CTIF: variants seen among roughly 807,000 people sequenced by gnomAD.
CTIF encodes the protein CBP80/20-dependent translation initiation factor.
Under a neutral mutation model 66.0 loss-of-function variants are expected in CTIF, and 21 were observed. The observed-to-expected ratio is 0.32, with a 90% CI of 0.23 to 0.46. CTIF has a LOEUF of 0.46. Ranked by LOEUF, CTIF falls within the 20% of genes least tolerant of loss-of-function variation. CTIF has a pLI of 1.00. For missense variants in CTIF, 739 were observed against 812.7 expected, an observed-to-expected ratio of 0.91 and a Z score of 1.10; for synonymous variants, 345 against 326.4, an observed-to-expected ratio of 1.06 and a Z score of -0.62.
chr18:48,585,792 A>T (rs905733156), intron 1 of CTIF, among the ~76,000 whole-genome samples: 1 of 152,224 alleles, frequency 6.6e-6, no homozygotes, highest in Non-Finnish European at 1.5e-5. Flanking sequence ...TCCCAGGGAC[A>T]GAATCGGCTC....
chr18:48,589,612 G>T (rs560756554), intron 1 of CTIF, among the ~76,000 whole-genome samples: 1 of 152,356 alleles, frequency 6.6e-6, no homozygotes, highest in East Asian at 1.9e-4. Context: ...ACTTGTTTTT[G>T]TGGTGCTAGA....
chr18:48,622,563 C>T lies in CTIF; in HGVS notation c.180+2818C>T, dbSNP rs572555451. ...GGTGGCCTGGCGGTCTACAGCTGAC[C>T]GCATGGAGGGTCTTGTCTGGTGGTG... On this transcript the variant is annotated intron_variant, in intron 2 of 11. Coordinates refer to ENST00000256413, the MANE Select transcript of CTIF (RefSeq NM_014772.3). Among the ~76,000 whole-genome samples the T allele has an allele frequency of 5.7e-4, 87 of 152,036 alleles. 1 individual carries two copies. The highest frequency in any genetic ancestry group is 1.8e-3 in the African/African-American group (74 of 41,462).
chr18:48,813,625 T>C lies in CTIF; in HGVS notation c.1372-3596T>C, dbSNP rs116265446. 3.8e-3 allele frequency among the ~76,000 whole-genome samples: 586 copies of C among 152,346 alleles called. 3 individuals carry two copies. Among genetic ancestry groups the C allele is most frequent in the African/African-American group, 0.014 (574 of 41,576 alleles). ...TCATCTCAAATCCAATTTCCAATATTTAGCAGGCATTCAATCTCCTAGTAA... is the reference window on the plus strand; with the variant it reads ...TCATCTCAAATCCAATTTCCAATATCTAGCAGGCATTCAATCTCCTAGTAA... On this transcript the variant is annotated intron_variant, in intron 9 of 11. Coordinates refer to ENST00000256413, the MANE Select transcript of CTIF (RefSeq NM_014772.3).
intron 3 of CTIF, among the ~76,000 whole-genome samples, chr18:48,638,370 C>G (rs2090862743): frequency 6.6e-6 from 1 of 152,280 alleles, no homozygotes; most frequent in Admixed American, 6.5e-5. Flanking sequence ...ATGAAGAGTC[C>G]TTTTTCCTCT....
At chr18:48,698,070 T>C (rs2092031530) in intron 6 of CTIF, among the ~76,000 whole-genome samples, 1 of 108,326 alleles carries the variant, frequency 9.2e-6, no homozygotes, top group South Asian at 3.4e-4. Flanking sequence ...TCCTCCCTCC[T>C]GAAAGTCAAC....
chr18:48,843,928 G>A (rs2069009621), intron 10 of CTIF, among the ~76,000 whole-genome samples: 1 of 152,228 alleles, frequency 6.6e-6, no homozygotes, highest in Non-Finnish European at 1.5e-5. Flanking sequence ...TTCTGTAGCT[G>A]TGACATGAAG....
chr18:48,786,650 C>G (rs1415026900), intron 9 of CTIF, among the ~76,000 whole-genome samples: 2 of 152,200 alleles, frequency 1.3e-5, no homozygotes, highest in Admixed American at 6.5e-5. Context: ...GGAACATGGG[C>G]CTGAATCAGT....
chr18:48,727,817 C>T (rs1456899761), intron 7 of CTIF, among the ~76,000 whole-genome samples: 3 of 152,232 alleles, frequency 2.0e-5, no homozygotes, highest in Non-Finnish European at 4.4e-5. Flanking sequence ...CATAGCCACA[C>T]CCTCCACCTC....
At chr18:48,597,334 G>T (rs2090004885) in intron 1 of CTIF, among the ~76,000 whole-genome samples, 1 of 152,220 alleles carries the variant, frequency 6.6e-6, no homozygotes, top group Non-Finnish European at 1.5e-5. Flanking sequence ...GGGAAGGAAG[G>T]CATGCAGGCT....
At chr18:48,623,290 A>C (rs1433272770) in intron 2 of CTIF, among the ~76,000 whole-genome samples, 1 of 152,200 alleles carries the variant, frequency 6.6e-6, no homozygotes, top group Non-Finnish European at 1.5e-5. Context: ...ACCTGGCAGG[A>C]TGCTGGGGCC....
chr18:48,562,514 C>T (rs1302778269), intron 1 of CTIF, among the ~76,000 whole-genome samples: 3 of 152,204 alleles, frequency 2.0e-5, no homozygotes, highest in African/African-American at 7.2e-5. Context: ...CCTGTTGACT[C>T]TTCTTTCTGC....
chr18:48,687,009 T>C (rs988256813), intron 6 of CTIF, among the ~76,000 whole-genome samples: 5 of 152,204 alleles, frequency 3.3e-5, no homozygotes, highest in East Asian at 3.8e-4. Flanking sequence ...ATTAAATGCA[T>C]GTGGTCAATC....
intron 7 of CTIF, 65 bp from the exon 8 acceptor site, chr18:48,757,854 G>T (rs1437223302): frequency 1.7e-5 from 26 of 1,545,340 alleles, no homozygotes; most frequent in Non-Finnish European, 2.1e-5. Context: ...CTGGCGGCTG[G>T]GCACAGGGAC....
chr18:48,711,635 C>T lies in CTIF; in HGVS notation c.524C>T (p.Pro175Leu). The change falls in exon 7 of 12, where the codon CCC becomes CTC. Residue 175 changes from proline (P) to leucine (L), a missense_variant. By Grantham distance (98) the Pro-to-Leu change is moderately conservative. Coordinates refer to ENST00000256413, the MANE Select transcript of CTIF (RefSeq NM_014772.3). ...LPAWQGYHPM[P>L]HEVEIAHTKK... Reference sequence around the variant, plus strand: ...ATGACACAGGGCTACCACCCGATGCCCCATGAAGTGGAGATCGCACACACC... The same window carrying T: ...ATGACACAGGGCTACCACCCGATGCTCCATGAAGTGGAGATCGCACACACC... 6.2e-7 allele frequency: 1 copy of T among 1,614,070 alleles called. No individual in the cohort carries two copies. The highest frequency in any genetic ancestry group is 8.5e-7 in the Non-Finnish European group (1 of 1,179,972).
rs377029382 is a variant in CTIF, at chr18:48,758,386, G to A, written c.1052G>A (p.Arg351Gln). ...CTCCAGTCTTCCAAAGACAGACTGC[G>A]GCGAAGGCTAAAGGAAAAGGTACCG... is the stretch of plus-strand genomic sequence containing the variant. ...TLLQSSKDRL[R>Q]RRLKEKDEVA... The change falls in exon 8 of 12, where the codon CGG (arginine) becomes CAG (glutamine). Residue 351 changes from arginine to glutamine, a missense_variant. Arg to Gln is a conservative substitution (Grantham distance 43). Transcript: ENST00000256413. The A allele has an allele frequency of 1.2e-4, 195 of 1,591,292 alleles. No homozygotes were observed. Among genetic ancestry groups the A allele is most frequent in the Middle Eastern group, 6.7e-4 (4 of 5,944 alleles).
At chr18:48,692,086 T>C (rs1260495814) in intron 6 of CTIF, among the ~76,000 whole-genome samples, 1 of 152,232 alleles carries the variant, frequency 6.6e-6, no homozygotes, top group Non-Finnish European at 1.5e-5. Flanking sequence ...TTTGCCATGT[T>C]GGCCAGGTTG....
intron 3 of CTIF, among the ~76,000 whole-genome samples, chr18:48,655,733 G>T (rs114178121): frequency 0.033 from 5,002 of 152,220 alleles, 175 homozygotes; most frequent in African/African-American, 0.086. Flanking sequence ...GATGTAGCAG[G>T]CCTGCTAGGG....
chr18:48,551,282 G>A (rs760732621), intron 1 of CTIF, among the ~76,000 whole-genome samples: 6 of 151,850 alleles, frequency 4.0e-5, no homozygotes, highest in Non-Finnish European at 8.8e-5. Flanking sequence ...TGGACTTCCA[G>A]TCTCCAGAAT....
chr18:48,855,742 G>C (rs2069313778), intron 10 of CTIF, among the ~76,000 whole-genome samples: 1 of 152,188 alleles, frequency 6.6e-6, no homozygotes, highest in South Asian at 2.1e-4. Flanking sequence ...CTTTGAGTAA[G>C]GCCAGGGACC....
Sources: gnomAD v4.1 joint callset for allele counts (sites outside exome capture counted in the v4.1 genomes callset) on GRCh38, gnomAD v4.1.1 for gene constraint, MANE v1.5 for transcripts, NCBI Gene and HGNC (gene_info 2026-07-23, HGNC 2026-07-21) for gene names.